IL1RAPL2: variants seen among roughly 807,000 people sequenced by gnomAD.
IL1RAPL2 encodes X-linked interleukin-1 receptor accessory protein-like 2.
In IL1RAPL2, 3 loss-of-function variants were observed where a neutral mutation model predicts 44.1. The observed-to-expected ratio is 0.07, with a 90% CI of 0.03 to 0.18. The LOEUF (loss-of-function observed/expected upper bound fraction) is 0.18. Among genes scored for constraint, IL1RAPL2 ranks in the 10% least tolerant of loss-of-function variants. The probability of loss-of-function intolerance (pLI) is 1.00; values close to 1 mark genes in which losing one functional copy is unlikely to be tolerated. For synonymous variants in IL1RAPL2, 181 were observed against 178.8 expected (o/e 1.01, Z -0.10); for missense variants, 391 against 496.4 (o/e 0.79, Z 2.02).
chrX:105,011,857 T>C (rs1434390096), intron 2 of IL1RAPL2, among the ~76,000 whole-genome samples: 2 of 110,505 alleles, frequency 1.8e-5, no homozygotes, highest in Non-Finnish European at 3.8e-5. Context: ...ATATTAATAG[T>C]AGTATTTACT....
chrX:105,591,346 A>C (rs77936894), intron 6 of IL1RAPL2, among the ~76,000 whole-genome samples: 6,856 of 106,900 alleles, frequency 0.064, 563 homozygotes, highest in African/African-American at 0.22. Context: ...TATCAATCTT[A>C]TTTACTTTTT....
At chrX:105,297,234 C>T (rs369743361) in intron 5 of IL1RAPL2, among the ~76,000 whole-genome samples, 2 of 111,401 alleles carry the variant, frequency 1.8e-5, no homozygotes, top group Admixed American at 1.9e-4. Context: ...AGTCAGTGTG[C>T]TTGAGTCATA....
In IL1RAPL2 at chrX:105,497,921, A is replaced by G. The variant is rs759696261; in HGVS notation, c.772+13534A>G. On this transcript the variant is annotated intron_variant, in intron 6 of 10. Coordinates refer to ENST00000372582, the MANE Select transcript of IL1RAPL2 (RefSeq NM_017416.2). ...AAACACTCAACAGAATGAAAGCCAT[A>G]TATGAAAATAGTCCACAGCTAACAT... is the stretch of plus-strand genomic sequence containing the variant. 8.9e-5 allele frequency among the ~76,000 whole-genome samples: 10 copies of G among 112,254 alleles called. 1 individual carries two copies. In the South Asian group the frequency reaches 2.2e-3, roughly 25 times the overall value.
intron 5 of IL1RAPL2, among the ~76,000 whole-genome samples, chrX:105,482,398 G>C (rs1165325312): frequency 1.8e-5 from 2 of 111,484 alleles, no homozygotes; most frequent in Non-Finnish European, 3.8e-5. Flanking sequence ...CATTATATTA[G>C]TAGGTCTAAA....
At chrX:105,042,105 A>T (rs1299737019) in intron 2 of IL1RAPL2, among the ~76,000 whole-genome samples, 2 of 111,484 alleles carry the variant, frequency 1.8e-5, no homozygotes, top group Admixed American at 9.6e-5. Flanking sequence ...TACATGTTAG[A>T]CCTAAAACCA....
chrX:105,654,151 G>A (rs1369323693), intron 6 of IL1RAPL2, among the ~76,000 whole-genome samples: 4 of 110,653 alleles, frequency 3.6e-5, no homozygotes, highest in Admixed American at 1.9e-4. Context: ...TTTGACCTTT[G>A]AGGTGATGGC....
chrX:104,786,714 T>C (rs1932799498), intron 2 of IL1RAPL2, among the ~76,000 whole-genome samples: 1 of 111,677 alleles, frequency 9.0e-6, no homozygotes, highest in Admixed American at 9.6e-5. Flanking sequence ...TATTAATAGA[T>C]TAAAAATACA....
At chrX:104,751,381 A>G (rs1932257552) in intron 2 of IL1RAPL2, among the ~76,000 whole-genome samples, 2 of 111,810 alleles carry the variant, frequency 1.8e-5, no homozygotes. Flanking sequence ...TCATATAATT[A>G]TAAGTGGGAC....
intron 5 of IL1RAPL2, among the ~76,000 whole-genome samples, chrX:105,345,697 G>A (rs990991894): frequency 2.7e-5 from 3 of 111,092 alleles, no homozygotes; most frequent in Non-Finnish European, 5.7e-5. Context: ...GTTGTTCCTC[G>A]TTCCTCCAGA....
intron 2 of IL1RAPL2, among the ~76,000 whole-genome samples, chrX:105,171,591 C>T (rs919564984): frequency 1.8e-5 from 2 of 110,609 alleles, no homozygotes; most frequent in Non-Finnish European, 3.8e-5. Context: ...TACCTTCCAT[C>T]ATATAGAATG....
At chrX:105,648,926 A>G (rs1276155289) in intron 6 of IL1RAPL2, among the ~76,000 whole-genome samples, 1 of 111,432 alleles carries the variant, frequency 9.0e-6, no homozygotes, top group Non-Finnish European at 1.9e-5. Context: ...AAGGCAAAGA[A>G]GAATACAGTA....
intron 5 of IL1RAPL2, among the ~76,000 whole-genome samples, chrX:105,470,290 A>G (rs2036157710): frequency 8.9e-6 from 1 of 111,853 alleles, no homozygotes; most frequent in Non-Finnish European, 1.9e-5. Flanking sequence ...TACCATATCC[A>G]TTTTGAAGTT....
intron 6 of IL1RAPL2, among the ~76,000 whole-genome samples, chrX:105,648,268 A>T (rs760087363): frequency 1.8e-5 from 2 of 111,640 alleles, no homozygotes; most frequent in East Asian, 5.7e-4. Context: ...AGTACCCAGA[A>T]TTGTATTGTT....
chrX:105,533,198 AAAAAAAT>A (rs1448828469), intron 6 of IL1RAPL2, among the ~76,000 whole-genome samples: 32 of 112,059 alleles, frequency 2.9e-4, no homozygotes, highest in African/African-American at 1.0e-3. Flanking sequence ...TCAAAAAAAT[AAAAAAAT>A]AAAAAATAAA....
chrX:105,426,102 T>G (rs1445324080), intron 5 of IL1RAPL2, among the ~76,000 whole-genome samples: 1 of 109,339 alleles, frequency 9.1e-6, no homozygotes, highest in Non-Finnish European at 1.9e-5. Context: ...TTAATTGTTT[T>G]GCTCCCTACC....
At chrX:105,704,715 CA>C (rs1369171012) in intron 6 of IL1RAPL2, among the ~76,000 whole-genome samples, 1 of 110,672 alleles carries the variant, frequency 9.0e-6, no homozygotes, top group Non-Finnish European at 1.9e-5. Flanking sequence ...CTGCACCTAT[CA>C]ACCCATCACC....
chrX:105,544,195 A>C (rs2147799412), intron 6 of IL1RAPL2, among the ~76,000 whole-genome samples: 1 of 111,458 alleles, frequency 9.0e-6, no homozygotes, highest in Admixed American at 9.5e-5. Flanking sequence ...TGTTTTCTTA[A>C]TTTTAATTTT....
intron 1 of IL1RAPL2, among the ~76,000 whole-genome samples, chrX:104,638,058 T>A (rs1349719146): frequency 1.8e-5 from 2 of 111,337 alleles, no homozygotes; most frequent in Non-Finnish European, 3.8e-5. Context: ...ATTGGTCTAT[T>A]CTCATTTTCT....
At chrX:105,315,576 A>ATG (rs1357751941) in intron 5 of IL1RAPL2, among the ~76,000 whole-genome samples, 14 of 42,720 alleles carry the variant, frequency 3.3e-4, no homozygotes, top group East Asian at 8.5e-4. Context: ...GAACTAATGG[A>ATG]TGTATATATA....
Sources: allele counts gnomAD v4.1 joint callset (sites outside exome capture counted in the v4.1 genomes callset), GRCh38; gene constraint gnomAD v4.1.1; transcripts MANE v1.5; gene names NCBI Gene and HGNC (gene_info 2026-07-23, HGNC 2026-07-21).